The following RBPMS variants were observed in gnomAD, a reference collection of about 807,000 sequenced individuals.
RBPMS encodes the protein RNA-binding protein with multiple splicing.
RBPMS carries 7 observed loss-of-function variants against 26.8 expected under a neutral mutation model. The observed-to-expected ratio is 0.26, with a 90% CI of 0.15 to 0.49. The LOEUF is 0.49. Ranked by LOEUF, RBPMS falls within the 20% of genes least tolerant of loss-of-function variation. RBPMS has a pLI of 0.98. For synonymous variants in RBPMS, 96 were observed against 93.3 expected (o/e 1.03, Z -0.17); for missense variants, 186 against 250.0 (o/e 0.74, Z 1.73).
intron 6 of RBPMS, chr8:30,544,882 A>T: frequency 6.7e-7 from 1 of 1,495,670 alleles, no homozygotes; most frequent in Non-Finnish European, 8.9e-7. Flanking sequence ...CTCATATCGC[A>T]CATGAGAGAC....
intron 7 of RBPMS, chr8:30,565,211 C>T (rs558043198): frequency 6.6e-6 from 1 of 152,306 alleles, no homozygotes; most frequent in Admixed American, 6.5e-5. Flanking sequence ...ATGTTTTCTT[C>T]CTTAAATCTG....
At chr8:30,392,553 T>C (rs1198725500) in intron 1 of RBPMS, among the ~76,000 whole-genome samples, 3 of 151,986 alleles carry the variant, frequency 2.0e-5, no homozygotes, top group African/African-American at 2.4e-5. Flanking sequence ...GACGTCCCAA[T>C]GGGCAGGGGG....
intron 1 of RBPMS, among the ~76,000 whole-genome samples, chr8:30,424,422 A>T (rs564544494): frequency 8.1e-4 from 123 of 152,284 alleles, no homozygotes; most frequent in Middle Eastern, 3.4e-3. Flanking sequence ...TTGAAAGGGG[A>T]TATCACTGAG....
intron 5 of RBPMS, among the ~76,000 whole-genome samples, chr8:30,530,407 G>C (rs1037148009): frequency 1.3e-5 from 2 of 152,222 alleles, no homozygotes; most frequent in Admixed American, 1.3e-4. Context: ...CCACTATCCA[G>C]ACAGGTAATC....
chr8:30,419,404 C>A (rs4338062), intron 1 of RBPMS, among the ~76,000 whole-genome samples: 1 of 150,728 alleles, frequency 6.6e-6, no homozygotes, highest in Non-Finnish European at 1.5e-5. Flanking sequence ...CAAGATCATG[C>A]CATTGCACTC....
intron 1 of RBPMS, among the ~76,000 whole-genome samples, chr8:30,392,107 G>T (rs1333264483): frequency 6.6e-6 from 1 of 152,056 alleles, no homozygotes; most frequent in Non-Finnish European, 1.5e-5. Context: ...TGATGCCCCT[G>T]TATGAACAAA....
At chr8:30,427,619 A>G (rs1017879036) in intron 1 of RBPMS, among the ~76,000 whole-genome samples, 5 of 152,112 alleles carry the variant, frequency 3.3e-5, no homozygotes, top group Admixed American at 6.5e-5. Flanking sequence ...CAGCATACAT[A>G]TCATGTTGTA....
intron 5 of RBPMS, among the ~76,000 whole-genome samples, chr8:30,524,891 G>C (rs1374868159): frequency 6.6e-6 from 1 of 151,952 alleles, no homozygotes; most frequent in Non-Finnish European, 1.5e-5. Flanking sequence ...ACCATTATTA[G>C]TACTATTTAT....
Position 30,451,981 on chromosome 8 carries a change from C to G in RBPMS, c.67-22798C>G, listed in dbSNP as rs139731438. The stretch of plus-strand genomic sequence containing the variant: ...AAGACGTCACATCCATAGATGGCAC[C>G]TTTTAGGGAGGAAGCAGCAGTCAAG... On this transcript the variant is annotated intron_variant, in intron 1 of 8. Coordinates refer to ENST00000397323, the MANE Select transcript of RBPMS (RefSeq NM_001008710.3). Among the ~76,000 whole-genome samples, 1,217 of 152,198 alleles carry G rather than the reference C, an allele frequency of 8.0e-3. 10 individuals carry two copies. The Middle Eastern group carries it at 0.082, about 10-fold the overall frequency.
intron 5 of RBPMS, among the ~76,000 whole-genome samples, chr8:30,528,139 C>T (rs1159613588): frequency 1.3e-5 from 2 of 151,194 alleles, no homozygotes; most frequent in Non-Finnish European, 2.9e-5. Context: ...CGCGCCATTG[C>T]GCTCCAGCCT....
chr8:30,559,311 G>C (rs1208787173), intron 7 of RBPMS, among the ~76,000 whole-genome samples: 1 of 152,204 alleles, frequency 6.6e-6, no homozygotes, highest in African/African-American at 2.4e-5. Context: ...TAAGTTGCAG[G>C]AATAGTCATC....
intron 5 of RBPMS, among the ~76,000 whole-genome samples, chr8:30,526,731 G>A (rs960901076): frequency 2.0e-5 from 3 of 152,206 alleles, no homozygotes; most frequent in African/African-American, 4.8e-5. Flanking sequence ...CAAGCTAGGG[G>A]TGAGTTGATG....
chr8:30,489,959 C>T (rs1025309579), intron 4 of RBPMS, among the ~76,000 whole-genome samples: 2 of 151,696 alleles, frequency 1.3e-5, no homozygotes, highest in African/African-American at 2.4e-5. Flanking sequence ...TACAGGCACC[C>T]GCCACCACGC....
intron 1 of RBPMS, among the ~76,000 whole-genome samples, chr8:30,385,968 T>C (rs1055890402): frequency 2.0e-5 from 3 of 152,214 alleles, no homozygotes; most frequent in African/African-American, 7.2e-5. Flanking sequence ...CGTTTCAGAA[T>C]TCAGTAGGAT....
intron 5 of RBPMS, among the ~76,000 whole-genome samples, chr8:30,511,476 A>ATATATATATATAT (rs1821602788): frequency 2.0e-4 from 1 of 5,092 alleles, no homozygotes; most frequent in African/African-American, 5.3e-4. Context: ...AAAAAGAAAA[A>ATATATATATATAT]AAAAAAAAAA....
chr8:30,479,593 A>G (rs1818063328), intron 4 of RBPMS, among the ~76,000 whole-genome samples: 2 of 152,246 alleles, frequency 1.3e-5, no homozygotes, highest in Non-Finnish European at 2.9e-5. Context: ...ATTGCTCTGA[A>G]TGAAATGCTC....
chr8:30,422,912 T>C (rs1441125058), intron 1 of RBPMS, among the ~76,000 whole-genome samples: 5 of 152,224 alleles, frequency 3.3e-5, no homozygotes, highest in Non-Finnish European at 7.3e-5. Flanking sequence ...TTTTATCTAC[T>C]TCATGTGCTG....
At chr8:30,563,199 AG>A (rs1436974954) in intron 7 of RBPMS, among the ~76,000 whole-genome samples, 1 of 152,202 alleles carries the variant, frequency 6.6e-6, no homozygotes, top group African/African-American at 2.4e-5. Flanking sequence ...AGAAGGGGAC[AG>A]GGTGTTACTG....
rs761978726 is a variant in RBPMS, at chr8:30,392,746, C to G, written c.66+7588C>G. Among the ~76,000 whole-genome samples the G allele has an allele frequency of 4.1e-4, 63 of 152,054 alleles. 1 individual carries two copies. Among genetic ancestry groups the G allele is most frequent in the Non-Finnish European group, 7.5e-4 (51 of 68,014 alleles). On this transcript the variant is annotated intron_variant, in intron 1 of 8. Coordinates refer to ENST00000397323, the MANE Select transcript of RBPMS (RefSeq NM_001008710.3). ...AGAAGGCAAGGAGACAGCCTAGCAG[C>G]CTTTTGGGTTTCTCCTTCGGGTGGC... is the stretch of plus-strand genomic sequence containing the variant.
Sources: allele counts gnomAD v4.1 joint callset (sites outside exome capture counted in the v4.1 genomes callset), GRCh38; gene constraint gnomAD v4.1.1; transcripts MANE v1.5; gene names NCBI Gene and HGNC (gene_info 2026-07-23, HGNC 2026-07-21).